The following FAM135A variants were observed in gnomAD, a reference collection of about 807,000 sequenced individuals.
The protein encoded by FAM135A is family with sequence similarity 135 member A.
Under a neutral mutation model 146.8 loss-of-function variants are expected in FAM135A, and 79 were observed. The ratio of observed to expected loss-of-function variants is 0.54; its 90% CI spans 0.45 to 0.65. The LOEUF (loss-of-function observed/expected upper bound fraction) is 0.65, where lower values mean the gene tolerates loss of function less well. Among genes scored for constraint, FAM135A ranks in the 30% least tolerant of loss-of-function variants. FAM135A has a pLI of 0.00. For synonymous variants in FAM135A, 562 were observed against 603.6 expected (o/e 0.93, Z 1.01); for missense variants, 1,623 against 1,758.2 (o/e 0.92, Z 1.38).
At chr6:70,501,903 A>G (rs1788650907) in intron 11 of FAM135A, among the ~76,000 whole-genome samples, 2 of 152,210 alleles carry the variant, frequency 1.3e-5, no homozygotes, top group Admixed American at 6.5e-5. Context: ...AGCTGTTCCT[A>G]TTCGGCCATC....
At chr6:70,488,813 A>G (rs1302667271) in intron 10 of FAM135A, among the ~76,000 whole-genome samples, 2 of 152,178 alleles carry the variant, frequency 1.3e-5, no homozygotes, top group Non-Finnish European at 2.9e-5. Context: ...ATTGAAAAAT[A>G]CTTGTGTATA....
chr6:70,419,075 C>A (rs1768184546), intron 2 of FAM135A, among the ~76,000 whole-genome samples: 3 of 152,316 alleles, frequency 2.0e-5, no homozygotes, highest in South Asian at 2.1e-4. Context: ...ATGACTGTTA[C>A]AATAATACTT....
intron 4 of FAM135A, among the ~76,000 whole-genome samples, chr6:70,450,355 A>G (rs1276128618): frequency 6.6e-6 from 1 of 152,156 alleles, no homozygotes; most frequent in South Asian, 2.1e-4. Context: ...GAACAATGTG[A>G]TGGAGATTTC....
chr6:70,498,965 A>G (rs566378037), intron 11 of FAM135A, among the ~76,000 whole-genome samples: 38 of 152,084 alleles, frequency 2.5e-4, no homozygotes, highest in Non-Finnish European at 5.0e-4. Flanking sequence ...ATTTGGGGTG[A>G]AGAGTTCTGT....
At chr6:70,431,391 C>T (rs545205003) in intron 4 of FAM135A, among the ~76,000 whole-genome samples, 138 of 152,280 alleles carry the variant, frequency 9.1e-4, no homozygotes, top group Non-Finnish European at 1.5e-3. Flanking sequence ...GCAGAGTGGC[C>T]TCAGCTGGGC....
intron 16 of FAM135A, among the ~76,000 whole-genome samples, chr6:70,530,304 G>T (rs1256562923): frequency 6.6e-6 from 1 of 151,952 alleles, no homozygotes; most frequent in Non-Finnish European, 1.5e-5. Context: ...ATCTCAATAG[G>T]ATTAGTCTAT....
chr6:70,455,381 TAC>T (rs34915267), intron 5 of FAM135A, among the ~76,000 whole-genome samples: 28,399 of 145,658 alleles, frequency 0.19, 2,685 homozygotes, highest in Middle Eastern at 0.22. Context: ...TTATGACAAA[TAC>T]ACACACACAC....
In FAM135A at chr6:70,460,800, T is replaced by C. The variant is rs1779272231; in HGVS notation, c.157+8229T>C. On this transcript the variant is annotated intron_variant, in intron 5 of 21. Coordinates refer to ENST00000418814, the MANE Select transcript of FAM135A (RefSeq NM_001162529.3). ...AGATTTATCTATCGATCTATCTATC[T>C]ATCTATCTAGATATCTATTAGATTT... 2.6e-5 allele frequency among the ~76,000 whole-genome samples: 4 copies of C among 151,934 alleles called. No homozygotes were observed. The South Asian group carries it at 8.3e-4, about 32-fold the overall frequency.
intron 15 of FAM135A, 51 bp from the exon 16 acceptor site, chr6:70,528,241 A>C (rs918633563): frequency 6.6e-7 from 1 of 1,520,256 alleles, no homozygotes; most frequent in African/African-American, 1.4e-5. Flanking sequence ...GGAGGGTTCT[A>C]ACAACTGAAT....
chr6:70,559,365 C>T (rs531486294), intron 21 of FAM135A, among the ~76,000 whole-genome samples: 1 of 151,730 alleles, frequency 6.6e-6, no homozygotes, highest in African/African-American at 2.4e-5. Context: ...GGCTTGAACC[C>T]GGGAGGCAGA....
chr6:70,557,762 G>A (rs1801171450), intron 21 of FAM135A: 1 of 148,712 alleles, frequency 6.7e-6, no homozygotes, highest in African/African-American at 2.5e-5. Context: ...TCCGTTTTTG[G>A]AATGAGGCTG....
At chr6:70,537,183 C>T (rs1196667128) in intron 19 of FAM135A, among the ~76,000 whole-genome samples, 1 of 152,154 alleles carries the variant, frequency 6.6e-6, no homozygotes, top group African/African-American at 2.4e-5. Context: ...ATCCGCCCGC[C>T]TCGGCCTCCC....
In FAM135A at chr6:70,427,253, C is replaced by T. The variant is rs111748408; in HGVS notation, c.-40+721C>T. ...AGTGTCATAGTTAACAATTAATGGC[C>T]GGGGGCGGTGGTTCATGCCTGTAAT... On this transcript the variant is annotated intron_variant, in intron 3 of 21. Coordinates refer to ENST00000418814, the MANE Select transcript of FAM135A (RefSeq NM_001162529.3). 5.6e-3 allele frequency among the ~76,000 whole-genome samples: 846 copies of T among 151,998 alleles called. 5 individuals carry two copies. Among genetic ancestry groups the T allele is most frequent in the African/African-American group, 0.019 (793 of 41,474 alleles).
intron 20 of FAM135A, among the ~76,000 whole-genome samples, chr6:70,555,455 G>A (rs1454435935): frequency 6.6e-6 from 1 of 151,976 alleles, no homozygotes; most frequent in Non-Finnish European, 1.5e-5. Context: ...ATCTCACTTC[G>A]TTGCCCAGGC....
In FAM135A at chr6:70,475,646, G is replaced by A. The variant is rs1462577901; in HGVS notation, c.298-17G>A. The stretch of plus-strand genomic sequence containing the variant: ...ATAAAATTTCAAAAAGTATCTCATA[G>A]TGTAATTTCTTTTCAGATTGAAGAA... On this transcript the variant is annotated splice_polypyrimidine_tract_variant and intron_variant, in intron 6 of 21. Transcript: ENST00000418814. 1.2e-6 allele frequency: 2 copies of A among 1,603,188 alleles called. No individual in the cohort carries two copies. The highest frequency in any genetic ancestry group is 1.7e-6 in the Non-Finnish European group (2 of 1,174,542).
At chr6:70,544,922 G>A (rs971432494) in intron 20 of FAM135A, among the ~76,000 whole-genome samples, 4 of 150,892 alleles carry the variant, frequency 2.7e-5, no homozygotes, top group Admixed American at 6.6e-5. Context: ...GTGGTGGCGG[G>A]TGCCTATAAT....
At chr6:70,528,568 T>A in intron 16 of FAM135A, 116 bp downstream of exon 16, 1 of 867,914 alleles carries the variant, frequency 1.2e-6, no homozygotes, top group Non-Finnish European at 1.6e-6. Context: ...TTGCTTAAAT[T>A]AATTGAATCT....
intron 2 of FAM135A, among the ~76,000 whole-genome samples, chr6:70,424,119 C>A (rs1458453208): frequency 3.3e-5 from 5 of 152,180 alleles, no homozygotes; most frequent in African/African-American, 1.2e-4. Flanking sequence ...ATATTCATTG[C>A]ATTAAGATCC....
chr6:70,426,119 A>AAAAAC (rs374741721), intron 2 of FAM135A, among the ~76,000 whole-genome samples: 3,376 of 150,396 alleles, frequency 0.022, 131 homozygotes, highest in African/African-American at 0.078. Context: ...CAAAAAAAAA[A>AAAAAC]AACAACAACA....
Sources: allele counts gnomAD v4.1 joint callset (sites outside exome capture counted in the v4.1 genomes callset), GRCh38; gene constraint gnomAD v4.1.1; transcripts MANE v1.5; gene names NCBI Gene and HGNC (gene_info 2026-07-23, HGNC 2026-07-21).